Variants in WBP1L observed in about 807,000 individuals in gnomAD.
WBP1L encodes WW domain binding protein 1-like.
WBP1L carries 17 observed loss-of-function variants against 33.7 expected under a neutral mutation model. The ratio of observed to expected loss-of-function variants is 0.50; its 90% confidence interval spans 0.34 to 0.76. WBP1L has a LOEUF of 0.76. WBP1L is among the 30% of genes least tolerant of loss of function. The pLI, the probability that WBP1L is intolerant of heterozygous loss-of-function variation, is 0.01. For missense variants in WBP1L, 389 were observed against 469.4 expected, an observed-to-expected ratio of 0.83 and a Z score of 1.58; for synonymous variants, 173 against 190.8, an observed-to-expected ratio of 0.91 and a Z score of 0.77.
intron 1 of WBP1L, among the ~76,000 whole-genome samples, chr10:102,776,964 G>A (rs1307394183): frequency 6.6e-6 from 1 of 152,052 alleles, no homozygotes; most frequent in African/African-American, 2.4e-5. Context: ...GTGTGGAATT[G>A]ACCCCATTTT....
chr10:102,744,269 TG>T, intron 1 of WBP1L, 126 bp downstream of exon 1: 2 of 1,280,292 alleles, frequency 1.6e-6, no homozygotes, highest in Non-Finnish European at 2.0e-6. Flanking sequence ...ATGCCTGGCG[TG>T]GACAGGATCT....
intron 2 of WBP1L, among the ~76,000 whole-genome samples, chr10:102,808,646 G>A (rs796715554): frequency 7.2e-5 from 11 of 152,356 alleles, no homozygotes; most frequent in African/African-American, 2.6e-4. Context: ...TATGTCGAGA[G>A]CAGAGGAAAT....
intron 1 of WBP1L, among the ~76,000 whole-genome samples, chr10:102,745,529 A>G (rs1019836615): frequency 6.6e-5 from 10 of 152,168 alleles, no homozygotes; most frequent in Non-Finnish European, 1.0e-4. Context: ...TCTATTCTGG[A>G]TATTTTATAT....
intron 2 of WBP1L, among the ~76,000 whole-genome samples, chr10:102,805,947 T>TCC (rs1275796240): frequency 1.3e-5 from 2 of 151,270 alleles, no homozygotes; most frequent in Non-Finnish European, 2.9e-5. Context: ...ACACCTGTAA[T>TCC]CCCAGCACTT....
chr10:102,790,593 C>G (rs1843482091), intron 1 of WBP1L, among the ~76,000 whole-genome samples: 1 of 152,134 alleles, frequency 6.6e-6, no homozygotes, highest in Admixed American at 6.5e-5. Flanking sequence ...TCACTGCAAC[C>G]TCTGCCTCCC....
In WBP1L at chr10:102,816,100, C is replaced by T. The variant is rs1372297073; in HGVS notation, c.*2769C>T. On this transcript the variant is annotated 3_prime_UTR_variant, in exon 4 of 4. Transcript: ENST00000448841. The stretch of plus-strand genomic sequence containing the variant: ...ACACATTCCTGTGTGAGGCACGTTA[C>T]CCTTTGTCAGTTATTGTGAATATGT... The T allele has an allele frequency of 6.6e-6, 1 of 152,604 alleles. No individual in the cohort carries two copies. The highest frequency in any genetic ancestry group is 1.5e-5 in the Non-Finnish European group (1 of 68,042). The allele number at this position is 152,604 out of a possible 1,614,324, so 9.5% of individuals were successfully genotyped here.
chr10:102,752,877 C>T (rs551636142), intron 1 of WBP1L, among the ~76,000 whole-genome samples: 2 of 152,158 alleles, frequency 1.3e-5, no homozygotes, highest in African/African-American at 4.8e-5. Context: ...TCTTTTCAGG[C>T]CCCCAAGAGG....
intron 1 of WBP1L, among the ~76,000 whole-genome samples, chr10:102,779,298 C>CA (rs1336553088): frequency 2.8e-4 from 40 of 142,356 alleles, no homozygotes; most frequent in Admixed American, 1.1e-3. Flanking sequence ...GACTCCATTT[C>CA]AAAAAAAAAA....
At chr10:102,790,791 G>A (rs373879440) in intron 1 of WBP1L, among the ~76,000 whole-genome samples, 4 of 152,094 alleles carry the variant, frequency 2.6e-5, no homozygotes, top group African/African-American at 7.2e-5. Context: ...AATTACAAGC[G>A]TGAGCCACCG....
In WBP1L at chr10:102,813,160, C is replaced by T; in HGVS notation, c.921C>T (p.Ser307=). 2 of 1,614,040 alleles carry T rather than the reference C, an allele frequency of 1.2e-6. No individual in the cohort carries two copies. Among genetic ancestry groups the T allele is most frequent in the Non-Finnish European group, 1.7e-6 (2 of 1,180,028 alleles). Residue 307 remains serine, a synonymous_variant, in exon 4 of 4, where the codon AGC becomes AGT. Coordinates refer to ENST00000448841, the MANE Select transcript of WBP1L (RefSeq NM_001083913.2). ...ALDGPLDFCD[S]CHVRPPGDEE... Reference sequence around the variant, plus strand: ...ATGGGCCCCTGGACTTCTGCGACAGCTGCCATGTGCGGCCCCCTGGTGATG... The same window carrying T: ...ATGGGCCCCTGGACTTCTGCGACAGTTGCCATGTGCGGCCCCCTGGTGATG...
chr10:102,784,201 A>G (rs753451526), intron 1 of WBP1L, among the ~76,000 whole-genome samples: 2 of 152,130 alleles, frequency 1.3e-5, no homozygotes, highest in Non-Finnish European at 2.9e-5. Flanking sequence ...TCTCAGTGGT[A>G]CCCAAATGAC....
chr10:102,773,071 A>G (rs12776506), intron 1 of WBP1L, among the ~76,000 whole-genome samples: 36,323 of 151,910 alleles, frequency 0.24, 5,188 homozygotes, highest in Non-Finnish European at 0.33. Context: ...AGGAGAACCC[A>G]TTTTTTCAGG....
chr10:102,767,809 T>G (rs1451436284), intron 1 of WBP1L, among the ~76,000 whole-genome samples: 1 of 152,148 alleles, frequency 6.6e-6, no homozygotes, highest in Non-Finnish European at 1.5e-5. Flanking sequence ...GAAATTCCTA[T>G]ATTTGATATT....
In WBP1L at chr10:102,809,953, G is replaced by T. The variant is rs748055033; in HGVS notation, c.254G>T (p.Arg85Leu). Residue 85 changes from arginine (R) to leucine (L), a missense_variant, in exon 3 of 4, where the codon CGC becomes CTC. Transcript: ENST00000448841. ...ILSCCCVCHH[R>L]RAKHRLQAQQ... The stretch of plus-strand genomic sequence containing the variant: ...AGCTGCTGCTGTGTTTGCCACCACC[G>T]CCGAGCCAAGCACCGCCTTCAGGCC... The T allele has an allele frequency of 6.2e-7, 1 of 1,613,840 alleles. No individual in the cohort carries two copies. Among genetic ancestry groups the T allele is most frequent in the Non-Finnish European group, 8.5e-7 (1 of 1,180,000 alleles).
chr10:102,750,554 C>A (rs1035280483), intron 1 of WBP1L, among the ~76,000 whole-genome samples: 1 of 150,246 alleles, frequency 6.7e-6, no homozygotes, highest in Non-Finnish European at 1.5e-5. Flanking sequence ...GAAACGGTGT[C>A]TTGCTCCGTC....
rs1843883371 is a variant in WBP1L, at chr10:102,813,663, G to T, written c.*332G>T. 1 of 336,148 alleles carries T rather than the reference G, an allele frequency of 3.0e-6. No homozygotes were observed. The highest frequency in any genetic ancestry group is 2.1e-5 in the African/African-American group (1 of 47,832). 20.8% of individuals were successfully genotyped at this position (336,148 alleles called of 1,614,324 possible). On this transcript the variant is annotated 3_prime_UTR_variant, in exon 4 of 4. Coordinates refer to ENST00000448841, the MANE Select transcript of WBP1L (RefSeq NM_001083913.2). ...TGTGTTTTAAAAGCCCCCAAGGAAG[G>T]AGGCTGGGACTGTGCCCTGACATGA...
chr10:102,794,597 A>G (rs998796350), intron 1 of WBP1L, among the ~76,000 whole-genome samples: 15 of 151,340 alleles, frequency 9.9e-5, no homozygotes, highest in African/African-American at 3.6e-4. Context: ...GGGATCTACA[A>G]AAATTAGCCG....
At chr10:102,750,312 T>A (rs1842912724) in intron 1 of WBP1L, among the ~76,000 whole-genome samples, 1 of 151,142 alleles carries the variant, frequency 6.6e-6, no homozygotes, top group Non-Finnish European at 1.5e-5. Flanking sequence ...GGAGAATCGC[T>A]TGAGCCCCAT....
At position 102,798,111 on chromosome 10, in the gene WBP1L, G is replaced by A. The variant is rs753054701; in HGVS notation, c.193+16G>A. 1 of 1,611,128 alleles carries A rather than the reference G, an allele frequency of 6.2e-7. No individual in the cohort carries two copies. The highest frequency in any genetic ancestry group is 2.2e-5 in the East Asian group (1 of 44,840). ...GAACTCTGGTGTAAGTCCTTGCTTG[G>A]GTGCCTCTCAGTATCCCAGGGTCCC... On this transcript the variant is annotated intron_variant, in intron 2 of 3. Coordinates refer to ENST00000448841, the MANE Select transcript of WBP1L (RefSeq NM_001083913.2).
Sources: gnomAD v4.1 joint callset for allele counts (sites outside exome capture counted in the v4.1 genomes callset) on GRCh38, gnomAD v4.1.1 for gene constraint, MANE v1.5 for transcripts, NCBI Gene and HGNC (gene_info 2026-07-23, HGNC 2026-07-21) for gene names.